Variants in MFSD11 observed in about 807,000 individuals in gnomAD.
MFSD11 encodes the protein UNC93-like protein MFSD11.
Under a neutral mutation model 53.5 loss-of-function variants are expected in MFSD11, and 36 were observed. The ratio of observed to expected loss-of-function variants is 0.67; its 90% CI spans 0.52 to 0.89. MFSD11 has a LOEUF of 0.89. MFSD11 is among the 40% of genes least tolerant of loss of function. The pLI, the probability that MFSD11 is intolerant of heterozygous loss-of-function variation, is 0.00. For synonymous variants in MFSD11, 186 were observed against 184.9 expected (o/e 1.01, Z -0.05); for missense variants, 530 against 543.9 (o/e 0.97, Z 0.25).
intron 8 of MFSD11, among the ~76,000 whole-genome samples, chr17:76,759,205 G>A (rs781534984): frequency 6.6e-6 from 1 of 152,114 alleles, no homozygotes; most frequent in Non-Finnish European, 1.5e-5. Context: ...AGAGAATTAT[G>A]ATCACACCAC....
the MFSD11 span, among the ~76,000 whole-genome samples, chr17:76,795,810 C>T: frequency 8.7e-5 from 13 of 149,948 alleles, no homozygotes; most frequent in Non-Finnish European, 1.3e-4. Flanking sequence ...CCCGCCACCA[C>T]GCCCGGCTAA....
the MFSD11 span, among the ~76,000 whole-genome samples, chr17:76,803,671 C>G: frequency 6.6e-6 from 1 of 152,310 alleles, no homozygotes; most frequent in East Asian, 1.9e-4. Context: ...GATTTCATCT[C>G]TGACCCAACA....
chr17:76,764,423 G>A (rs2032382296), intron 8 of MFSD11, among the ~76,000 whole-genome samples: 1 of 151,978 alleles, frequency 6.6e-6, no homozygotes, highest in South Asian at 2.1e-4. Flanking sequence ...CCACCCTCCA[G>A]CCCCGGCAAC....
At chr17:76,743,506 G>C (rs745326251) in intron 6 of MFSD11, 50 bp downstream of exon 6, 1 of 1,184,652 alleles carries the variant, frequency 8.4e-7, no homozygotes, top group Non-Finnish European at 1.2e-6. Flanking sequence ...AGCATAATAG[G>C]AGTTATATAG....
chr17:76,736,707 G>T (rs556956650), upstream of MFSD11: 70 of 1,330,582 alleles, frequency 5.3e-5, no homozygotes, highest in Admixed American at 7.7e-5. Context: ...GTCCGGGCCC[G>T]CACCACGTGC....
In MFSD11 at chr17:76,769,840, T is replaced by C. The variant is rs764882559; in HGVS notation, c.843T>C (p.Ser281=). 2 of 1,611,166 alleles carry C rather than the reference T, an allele frequency of 1.2e-6. No individual in the cohort carries two copies. The highest frequency in any genetic ancestry group is 2.7e-5 in the African/African-American group (2 of 74,778). The change falls in exon 10 of 13, where the codon TCT becomes TCC. Residue 281 remains serine (S), a synonymous_variant. Coordinates refer to ENST00000685175, the MANE Select transcript of MFSD11 (RefSeq NM_001242532.5). ...GAEEKSLIGL[S]GIFIGIGEIL... ...AAGAGAAAAGCCTTATTGGACTTTC[T>C]GGCATTTTCATCGGCATTGGAGAAA...
At chr17:76,787,179 A>G in the MFSD11 span, among the ~76,000 whole-genome samples, 1 of 136,726 alleles carries the variant, frequency 7.3e-6, no homozygotes, top group African/African-American at 2.8e-5. Flanking sequence ...CTTGTCGCCC[A>G]GGCTGGAGTG....
intron 8 of MFSD11, among the ~76,000 whole-genome samples, chr17:76,758,660 G>A (rs1422078816): frequency 2.7e-5 from 4 of 150,546 alleles, no homozygotes; most frequent in Admixed American, 6.6e-5. Context: ...AACTTGAAAC[G>A]GCAAGGAAAA....
In MFSD11 at chr17:76,738,127, C is replaced by T; in HGVS notation, c.-226C>T. On this transcript the variant is annotated 5_prime_UTR_variant, in exon 1 of 13. Coordinates refer to ENST00000685175, the MANE Select transcript of MFSD11 (RefSeq NM_001242532.5). ...GCGCTTCTCCGGGGGTTGTGCTCTT[C>T]CGTACTCGGATCGCTTCTTAGGAGT... The T allele has an allele frequency of 3.5e-6, 2 of 563,480 alleles. No homozygotes were observed. Among genetic ancestry groups the T allele is most frequent in the Middle Eastern group, 4.7e-4 (1 of 2,144 alleles). 34.9% of individuals were successfully genotyped at this position (563,480 alleles called of 1,614,324 possible).
At chr17:76,760,020 C>T (rs1422572201) in intron 8 of MFSD11, among the ~76,000 whole-genome samples, 1 of 151,500 alleles carries the variant, frequency 6.6e-6, no homozygotes, top group Non-Finnish European at 1.5e-5. Flanking sequence ...GTAATTTCAG[C>T]ACTTTGGGAG....
intron 7 of MFSD11, among the ~76,000 whole-genome samples, chr17:76,751,164 G>A (rs2079018981): frequency 6.6e-6 from 1 of 151,664 alleles, no homozygotes; most frequent in Non-Finnish European, 1.5e-5. Flanking sequence ...GCCGAGGCGG[G>A]CGGGTCACGA....
At chr17:76,737,281 C>G (rs923980433), upstream of MFSD11, 2 of 1,352,214 alleles carry the variant, frequency 1.5e-6, no homozygotes, top group Non-Finnish European at 9.8e-7. Context: ...AAGGCCTTGC[C>G]GCAGAACAGC....
At chr17:76,745,848 G>A (rs2078492750) in intron 7 of MFSD11, among the ~76,000 whole-genome samples, 1 of 115,338 alleles carries the variant, frequency 8.7e-6, no homozygotes, top group Admixed American at 9.0e-5. Context: ...TATTTTTTGA[G>A]ACGGAGTCTC....
intron 8 of MFSD11, among the ~76,000 whole-genome samples, chr17:76,755,810 ATATTTTTTTT>A (rs1456440688): frequency 7.5e-4 from 17 of 22,728 alleles, no homozygotes; most frequent in African/African-American, 2.6e-3. Flanking sequence ...ATATATATAT[ATATTTTTTTT>A]TTTTTTTTTT....
rs540657040 is a variant in MFSD11, at chr17:76,756,466, T to G, written c.682+2379T>G. Among the ~76,000 whole-genome samples, 126 of 152,234 alleles carry G rather than the reference T, an allele frequency of 8.3e-4. No individual in the cohort carries two copies. In the South Asian group the frequency reaches 0.013, roughly 16 times the overall value. ...TTATAAATTGAGCCACACGTGATAA[T>G]TAAAAGGATTATACTCTGACTCCCT... On this transcript the variant is annotated intron_variant, in intron 8 of 12. Transcript: ENST00000685175.
At chr17:76,775,556 T>C (rs1300708284) in intron 11 of MFSD11, among the ~76,000 whole-genome samples, 1 of 152,272 alleles carries the variant, frequency 6.6e-6, no homozygotes, top group East Asian at 1.9e-4. Context: ...CAGAGCAGTT[T>C]ATATAACGTT....
Position 76,738,319 on chromosome 17 carries a change from C to G in MFSD11, c.-34C>G. 6.8e-7 allele frequency: 1 copy of G among 1,481,282 alleles called. No homozygotes were observed. Among genetic ancestry groups the G allele is most frequent in the Non-Finnish European group, 9.4e-7 (1 of 1,059,806 alleles). 91.8% of individuals were successfully genotyped at this position (1,481,282 alleles called of 1,614,324 possible). ...CTTCGCCCCGAGGAGAGCTGACTGC[C>G]CTGGGCTGCTGCCTCCGGCAGAGCT... On this transcript the variant is annotated 5_prime_UTR_variant, in exon 1 of 13. Coordinates refer to ENST00000685175, the MANE Select transcript of MFSD11 (RefSeq NM_001242532.5).
chr17:76,745,732 T>C (rs2078474786), intron 7 of MFSD11, among the ~76,000 whole-genome samples: 1 of 152,228 alleles, frequency 6.6e-6, no homozygotes, highest in Non-Finnish European at 1.5e-5. Flanking sequence ...ATATTGAAAT[T>C]AGGCCAGTTA....
chr17:76,744,510 G>T (rs754527255), intron 7 of MFSD11, 44 bp downstream of exon 7: 2 of 1,563,254 alleles, frequency 1.3e-6, no homozygotes, highest in South Asian at 2.4e-5. Context: ...AATAGATTTT[G>T]AGTAGATCTA....
Sources: allele counts gnomAD v4.1 joint callset (sites outside exome capture counted in the v4.1 genomes callset), GRCh38; gene constraint gnomAD v4.1.1; transcripts MANE v1.5; gene names NCBI Gene and HGNC (gene_info 2026-07-23, HGNC 2026-07-21).